The following LZTFL1 variants were observed in gnomAD, a reference collection of about 807,000 sequenced individuals.
The protein encoded by LZTFL1 is leucine zipper transcription factor-like protein 1.
A neutral mutation model predicts 45.9 loss-of-function variants in LZTFL1; 25 were observed. The ratio of observed to expected loss-of-function variants is 0.54; its 90% CI spans 0.40 to 0.76. The LOEUF is 0.76. Ranked by LOEUF, LZTFL1 falls within the 30% of genes least tolerant of loss-of-function variation. The probability of loss-of-function intolerance (pLI) is 0.00; values close to 1 mark genes in which losing one functional copy is unlikely to be tolerated. For missense variants in LZTFL1, 277 were observed against 331.1 expected (o/e 0.84, Z 1.27); for synonymous variants, 93 against 117.4 (o/e 0.79, Z 1.35).
intron 2 of LZTFL1, among the ~76,000 whole-genome samples, chr3:45,868,835 TCTCCCCACAC>T: frequency 1.3e-5 from 2 of 152,202 alleles, no homozygotes; most frequent in South Asian, 4.2e-4. Flanking sequence ...GGGCAGGCCT[TCTCCCCACAC>T]CTCCCAAACG....
At chr3:45,914,141 T>C (rs993362101) in intron 1 of LZTFL1, among the ~76,000 whole-genome samples, 3 of 152,146 alleles carry the variant, frequency 2.0e-5, no homozygotes, top group African/African-American at 7.2e-5. Flanking sequence ...AATTAGTTCA[T>C]TTCCTCCTTT....
chr3:45,880,712 T>A (rs1701841885), intron 2 of LZTFL1, among the ~76,000 whole-genome samples: 1 of 152,170 alleles, frequency 6.6e-6, no homozygotes, highest in Admixed American at 6.5e-5. Flanking sequence ...TCCTGCCAAC[T>A]GTTCCCTCTG....
intron 2 of LZTFL1, chr3:45,883,851 A>G: frequency 1.9e-6 from 1 of 538,556 alleles, no homozygotes; most frequent in Non-Finnish European, 3.5e-6. Context: ...ATCACAGAGC[A>G]AGGATTCAGT....
chr3:45,894,922 G>A (rs200276505), intron 2 of LZTFL1: 30 of 1,613,858 alleles, frequency 1.9e-5, no homozygotes, highest in Non-Finnish European at 2.4e-5. Flanking sequence ...GCTTGCATCT[G>A]ACTGACCCAC....
chr3:45,843,509 C>G (rs184682915), upstream of LZTFL1, among the ~76,000 whole-genome samples: 4 of 152,240 alleles, frequency 2.6e-5, no homozygotes, highest in Non-Finnish European at 4.4e-5. Context: ...CTGAAAAGCT[C>G]GTTTATTTTC....
chr3:45,899,862 G>A (rs553991450), intron 2 of LZTFL1, among the ~76,000 whole-genome samples: 34 of 152,190 alleles, frequency 2.2e-4, no homozygotes, highest in African/African-American at 7.5e-4. Flanking sequence ...TCCTGTTTCC[G>A]TAGCAGGGGT....
chr3:45,909,578 T>C (rs1702750641), intron 2 of LZTFL1, among the ~76,000 whole-genome samples: 1 of 152,258 alleles, frequency 6.6e-6, no homozygotes, highest in East Asian at 1.9e-4. Flanking sequence ...TAAAAACTCA[T>C]GCTCTTATCC....
At chr3:45,847,637 A>G (rs1369676853) in intron 4 of LZTFL1, among the ~76,000 whole-genome samples, 1 of 152,370 alleles carries the variant, frequency 6.6e-6, no homozygotes, top group East Asian at 1.9e-4. Context: ...GAACTAATCC[A>G]GAATAAGGGT....
At chr3:45,838,686 T>C (rs921175826) in intron 1 of LZTFL1, among the ~76,000 whole-genome samples, 2 of 152,182 alleles carry the variant, frequency 1.3e-5, no homozygotes, top group East Asian at 1.9e-4. Context: ...GGCAAGCCCA[T>C]GGAGGTAGGG....
rs900246213 is a variant in LZTFL1, at chr3:45,823,748, T to C, written c.*2566A>G. 2.0e-5 allele frequency: 3 copies of C among 152,218 alleles called. No homozygotes were observed. Among genetic ancestry groups the C allele is most frequent in the African/African-American group, 7.2e-5 (3 of 41,452 alleles). The allele number at this position is 152,218 out of a possible 1,614,324, so 9.4% of individuals were successfully genotyped here. On this transcript the variant is annotated 3_prime_UTR_variant, in exon 10 of 10. Coordinates refer to ENST00000296135, the MANE Select transcript of LZTFL1 (RefSeq NM_020347.4). ...TACATGACAATTTATGATTTGAATATCTAGTGGCAAAGCTTTGGAACATAG... is the reference window on the plus strand; with the variant it reads ...TACATGACAATTTATGATTTGAATACCTAGTGGCAAAGCTTTGGAACATAG...
chr3:45,868,735 A>G (rs991275176), intron 2 of LZTFL1, among the ~76,000 whole-genome samples: 3 of 152,082 alleles, frequency 2.0e-5, no homozygotes, highest in African/African-American at 7.2e-5. Flanking sequence ...AACAGCCGAT[A>G]TTTTCCCAAC....
At chr3:45,902,100 G>T (rs199576272) in intron 2 of LZTFL1, 1 of 532,062 alleles carries the variant, frequency 1.9e-6, no homozygotes, top group South Asian at 3.4e-5. Context: ...CTGTTGATTG[G>T]CTCTTGACTG....
At chr3:45,882,915 C>T (rs1701888055) in intron 2 of LZTFL1, among the ~76,000 whole-genome samples, 1 of 151,694 alleles carries the variant, frequency 6.6e-6, no homozygotes, top group South Asian at 2.1e-4. Flanking sequence ...CAGTTTATTA[C>T]TTATAGTTCT....
chr3:45,841,582 C>A (rs1041347872), intron 1 of LZTFL1: 2 of 198,218 alleles, frequency 1.0e-5, no homozygotes, highest in Admixed American at 1.1e-4. Flanking sequence ...TGAGTGAGAA[C>A]CCTGCGTATG....
chr3:45,878,101 T>C (rs1235731279), intron 2 of LZTFL1, among the ~76,000 whole-genome samples: 1 of 152,232 alleles, frequency 6.6e-6, no homozygotes, highest in African/African-American at 2.4e-5. Context: ...TACAATGTGA[T>C]GTATCTACAT....
chr3:45,859,639 CTTTTTTT>C, intron 2 of LZTFL1, among the ~76,000 whole-genome samples: 1 of 129,914 alleles, frequency 7.7e-6, no homozygotes, highest in South Asian at 2.5e-4. Flanking sequence ...CATTACATGG[CTTTTTTT>C]TTTTTTTTTT....
At chr3:45,892,844 G>A (rs1702229092) in intron 2 of LZTFL1, among the ~76,000 whole-genome samples, 1 of 152,184 alleles carries the variant, frequency 6.6e-6, no homozygotes, top group Non-Finnish European at 1.5e-5. Flanking sequence ...CCAGCAGAGA[G>A]GTTACCAGGA....
intron 2 of LZTFL1, among the ~76,000 whole-genome samples, chr3:45,907,923 AG>A (rs1478971424): frequency 2.6e-5 from 4 of 152,224 alleles, no homozygotes; most frequent in African/African-American, 7.2e-5. Flanking sequence ...ACAGTCTTTG[AG>A]GCCAGAAAGA....
chr3:45,840,080 C>T (rs1559405939), intron 1 of LZTFL1, among the ~76,000 whole-genome samples: 1 of 152,170 alleles, frequency 6.6e-6, no homozygotes, highest in South Asian at 2.1e-4. Context: ...ATGCACAACA[C>T]CTAGCATAGT....
Sources: allele counts gnomAD v4.1 joint callset (sites outside exome capture counted in the v4.1 genomes callset), GRCh38; gene constraint gnomAD v4.1.1; transcripts MANE v1.5; gene names NCBI Gene and HGNC (gene_info 2026-07-23, HGNC 2026-07-21).